ETV1: variants seen among roughly 807,000 people sequenced by gnomAD.
The protein encoded by ETV1 is ETS variant transcription factor 1.
Under a neutral mutation model 62.3 loss-of-function variants are expected in ETV1, and 27 were observed. The ratio of observed to expected loss-of-function variants is 0.43; its 90% CI spans 0.32 to 0.60. The LOEUF (loss-of-function observed/expected upper bound fraction) is 0.60. Ranked by LOEUF, ETV1 falls within the 20% of genes least tolerant of loss-of-function variation. The probability of loss-of-function intolerance (pLI) is 0.06; values close to 1 mark genes in which losing one functional copy is unlikely to be tolerated. For missense variants in ETV1, 605 were observed against 605.8 expected (o/e 1.00, Z 0.01); for synonymous variants, 222 against 199.6 (o/e 1.11, Z -0.94).
intron 9 of ETV1, among the ~76,000 whole-genome samples, chr7:13,919,565 T>TACACACACACACACAC (rs35735011): frequency 4.4e-5 from 6 of 135,404 alleles, no homozygotes; most frequent in East Asian, 4.3e-4. Flanking sequence ...ATAGAAACCA[T>TACACACACACACACAC]ACACACACAC....
intron 10 of ETV1, 146 bp downstream of exon 10, chr7:13,911,093 C>G: frequency 1.7e-6 from 1 of 577,470 alleles, no homozygotes; most frequent in East Asian, 2.9e-5. Context: ...CTTCTTTTTA[C>G]TTTGGAGATA....
intron 6 of ETV1, among the ~76,000 whole-genome samples, chr7:13,966,689 A>C (rs113219880): frequency 0.025 from 3,850 of 152,168 alleles, 167 homozygotes; most frequent in African/African-American, 0.087. Context: ...CTAAAATTAC[A>C]TGAAACCTAA....
chr7:13,918,405 A>G, intron 9 of ETV1, among the ~76,000 whole-genome samples: 1 of 152,168 alleles, frequency 6.6e-6, no homozygotes, highest in Middle Eastern at 3.2e-3. Flanking sequence ...CCTATAAATC[A>G]TGCTGCTATA....
At chr7:13,927,287 TA>T (rs1397253171) in intron 9 of ETV1, among the ~76,000 whole-genome samples, 2 of 151,882 alleles carry the variant, frequency 1.3e-5, no homozygotes, top group Non-Finnish European at 2.9e-5. Flanking sequence ...TGTCTCTAAT[TA>T]AAAATATAGA....
chr7:13,986,395 A>G, intron 5 of ETV1: 1 of 1,485,528 alleles, frequency 6.7e-7, no homozygotes, highest in Non-Finnish European at 8.9e-7. Flanking sequence ...AGTTCTTGCC[A>G]AAAGCAGATG....
chr7:13,990,480 C>G (rs1266052814), upstream of ETV1: 2 of 152,280 alleles, frequency 1.3e-5, no homozygotes, highest in South Asian at 2.1e-4. Context: ...CTTGGGGTTG[C>G]TCGTATATCC....
chr7:13,931,475 T>C (rs763108685), intron 9 of ETV1, 27 bp downstream of exon 9: 3 of 1,613,060 alleles, frequency 1.9e-6, no homozygotes, highest in East Asian at 2.2e-5. Context: ...GTGCCTTGAA[T>C]GTAATTTGCG....
At chr7:13,902,650 G>A (rs1782558940) in intron 12 of ETV1, among the ~76,000 whole-genome samples, 1 of 152,002 alleles carries the variant, frequency 6.6e-6, no homozygotes, top group African/African-American at 2.4e-5. Flanking sequence ...AACCTGGAGG[G>A]GATGTGAAAA....
At chr7:13,914,250 G>T (rs553473486) in intron 9 of ETV1, among the ~76,000 whole-genome samples, 1 of 151,886 alleles carries the variant, frequency 6.6e-6, no homozygotes, top group African/African-American at 2.4e-5. Flanking sequence ...AAAGCGCTCT[G>T]GTTTTAAAAG....
At chr7:13,935,373 C>T (rs1295087548) in intron 8 of ETV1, among the ~76,000 whole-genome samples, 1 of 152,118 alleles carries the variant, frequency 6.6e-6, no homozygotes, top group Non-Finnish European at 1.5e-5. Flanking sequence ...AACAAGTACA[C>T]ACATATGCTC....
At chr7:13,961,407 C>T (rs1167923236) in intron 6 of ETV1, among the ~76,000 whole-genome samples, 15 of 152,070 alleles carry the variant, frequency 9.9e-5, no homozygotes, top group Admixed American at 9.8e-4. Context: ...AGTGTTACAG[C>T]AAGGGTCCTG....
At chr7:13,938,585 C>G (rs535915036) in intron 7 of ETV1, among the ~76,000 whole-genome samples, 1 of 152,274 alleles carries the variant, frequency 6.6e-6, no homozygotes, top group African/African-American at 2.4e-5. Flanking sequence ...AATAAATGAA[C>G]AATGCACTTT....
At chr7:13,903,493 T>C (rs889059019) in intron 12 of ETV1, among the ~76,000 whole-genome samples, 13 of 152,042 alleles carry the variant, frequency 8.6e-5, no homozygotes, top group African/African-American at 2.2e-4. Flanking sequence ...CCGGGCACAG[T>C]GGCTCACACC....
At chr7:13,918,174 C>T (rs1448789347) in intron 9 of ETV1, among the ~76,000 whole-genome samples, 1 of 151,286 alleles carries the variant, frequency 6.6e-6, no homozygotes, top group Admixed American at 6.6e-5. Flanking sequence ...CCACAATATT[C>T]AGATAACTTT....
intron 6 of ETV1, among the ~76,000 whole-genome samples, chr7:13,948,152 T>A (rs555369091): frequency 3.5e-4 from 53 of 152,326 alleles, no homozygotes; most frequent in African/African-American, 1.2e-3. Flanking sequence ...GGAAGAATGT[T>A]GCTATTCAAC....
intron 12 of ETV1, among the ~76,000 whole-genome samples, chr7:13,901,457 C>T (rs538737241): frequency 1.3e-5 from 2 of 152,270 alleles, no homozygotes; most frequent in Admixed American, 6.5e-5. Flanking sequence ...AAATGAGGCA[C>T]GTTTTTCATT....
chr7:13,937,821 G>A (rs994176591), intron 7 of ETV1, among the ~76,000 whole-genome samples: 2 of 152,178 alleles, frequency 1.3e-5, no homozygotes, highest in Non-Finnish European at 1.5e-5. Context: ...TTTCAATTGA[G>A]CTAGCTCATA....
chr7:13,938,940 A>G (rs891810922), intron 7 of ETV1, among the ~76,000 whole-genome samples, 177 bp downstream of exon 7: 2 of 152,238 alleles, frequency 1.3e-5, no homozygotes, highest in African/African-American at 4.8e-5. Flanking sequence ...AAATGAATCC[A>G]AAGTGTGTGA....
chr7:13,940,405 A>G (rs532346465), intron 6 of ETV1, among the ~76,000 whole-genome samples: 19 of 152,072 alleles, frequency 1.2e-4, no homozygotes, highest in East Asian at 7.7e-4. Context: ...AAAAAGCTAT[A>G]TATTTTTTAT....
Sources: gnomAD v4.1 joint callset for allele counts (sites outside exome capture counted in the v4.1 genomes callset) on GRCh38, gnomAD v4.1.1 for gene constraint, MANE v1.5 for transcripts, NCBI Gene and HGNC (gene_info 2026-07-23, HGNC 2026-07-21) for gene names.